Variants in MGST3 observed in about 807,000 individuals in gnomAD.
The protein encoded by MGST3 is microsomal glutathione S-transferase 3, also known as glutathione S-transferase 3, mitochondrial.
MGST3 carries 13 observed loss-of-function variants against 15.8 expected under a neutral mutation model. That is an observed-to-expected ratio of 0.82 (90% CI 0.54 to 1.31). MGST3 has a LOEUF of 1.31. Among genes scored for constraint, MGST3 ranks in the 50% most tolerant of loss-of-function variants. The pLI is 0.00. For missense variants in MGST3, 155 were observed against 192.4 expected (o/e 0.81, Z 1.15); for synonymous variants, 49 against 68.1 (o/e 0.72, Z 1.38).
intron 2 of MGST3, chr1:165,650,294 G>A: frequency 2.8e-6 from 1 of 356,392 alleles, no homozygotes; most frequent in Non-Finnish European, 5.3e-6. Flanking sequence ...TAGCAATATT[G>A]TTTCATGGTG....
intron 1 of MGST3, chr1:165,645,727 G>T (rs879441732): frequency 2.6e-5 from 4 of 152,178 alleles, no homozygotes; most frequent in Non-Finnish European, 5.9e-5. Flanking sequence ...TAAGCAATAG[G>T]AATGTTTCAG....
chr1:165,639,701 G>T (rs2101716502), intron 1 of MGST3, among the ~76,000 whole-genome samples: 1 of 152,304 alleles, frequency 6.6e-6, no homozygotes, highest in Non-Finnish European at 1.5e-5. Flanking sequence ...TACTCTGGAG[G>T]TTGAGGCATG....
Position 165,632,655 on chromosome 1 carries a change from G to T in MGST3, c.-8+1362G>T, listed in dbSNP as rs373435534. The stretch of plus-strand genomic sequence containing the variant: ...AACCAATGTTACTATATATAAATCT[G>T]CAGGGAGACTGTCGCCAACTATAGA... On this transcript the variant is annotated intron_variant, in intron 1 of 5. Coordinates refer to ENST00000367889, the MANE Select transcript of MGST3 (RefSeq NM_004528.4). 3.0e-4 allele frequency among the ~76,000 whole-genome samples: 46 copies of T among 152,098 alleles called. No homozygotes were observed. In the East Asian group the frequency reaches 4.2e-3, roughly 14 times the overall value.
At chr1:165,636,465 G>A (rs960256746) in intron 1 of MGST3, among the ~76,000 whole-genome samples, 6 of 152,202 alleles carry the variant, frequency 3.9e-5, no homozygotes, top group South Asian at 2.1e-4. Context: ...GCCAGGCACG[G>A]TGGCTCATGC....
intron 1 of MGST3, among the ~76,000 whole-genome samples, chr1:165,634,976 T>A (rs1648069429): frequency 1.3e-5 from 2 of 151,806 alleles, no homozygotes; most frequent in Non-Finnish European, 2.9e-5. Flanking sequence ...AGCATCCCAT[T>A]TAGGTAAAAT....
chr1:165,631,706 G>C (rs1351724572), intron 1 of MGST3, among the ~76,000 whole-genome samples: 9 of 152,192 alleles, frequency 5.9e-5, no homozygotes, highest in Non-Finnish European at 2.9e-5. Flanking sequence ...ACACTGCCGG[G>C]GGAGTGGTTG....
intron 4 of MGST3, 99 bp downstream of exon 4, chr1:165,652,134 T>TCCCTGATA: frequency 1.1e-6 from 1 of 879,816 alleles, no homozygotes; most frequent in Non-Finnish European, 1.9e-6. Flanking sequence ...ATATCTTCAG[T>TCCCTGATA]GTCTAGGCAC....
intron 2 of MGST3, chr1:165,650,191 G>C: frequency 1.8e-6 from 1 of 565,052 alleles, no homozygotes; most frequent in Non-Finnish European, 3.1e-6. Context: ...CTCTTCGGTA[G>C]AAAGACCAGG....
intron 1 of MGST3, among the ~76,000 whole-genome samples, chr1:165,641,141 C>G (rs1648253483): frequency 6.6e-6 from 1 of 152,118 alleles, no homozygotes; most frequent in African/African-American, 2.4e-5. Flanking sequence ...CTAGATCGTG[C>G]CACTTCACTC....
chr1:165,642,691 C>T (rs1648291920), intron 1 of MGST3, among the ~76,000 whole-genome samples: 1 of 152,206 alleles, frequency 6.6e-6, no homozygotes, highest in African/African-American at 2.4e-5. Flanking sequence ...ATCCTCTCAA[C>T]AACCTTCCAA....
chr1:165,641,217 T>C (rs1210868946), intron 1 of MGST3, among the ~76,000 whole-genome samples: 1 of 152,178 alleles, frequency 6.6e-6, no homozygotes, highest in Non-Finnish European at 1.5e-5. Flanking sequence ...CCTGAAGCTG[T>C]TTTTTGTTTG....
chr1:165,642,858 G>A (rs747324541), intron 1 of MGST3, among the ~76,000 whole-genome samples: 1 of 152,204 alleles, frequency 6.6e-6, no homozygotes, highest in Non-Finnish European at 1.5e-5. Context: ...AAGCTGTCTC[G>A]TGAACTGCAC....
intron 1 of MGST3, among the ~76,000 whole-genome samples, chr1:165,634,814 G>C (rs1378041164): frequency 4.8e-5 from 1 of 20,948 alleles, no homozygotes; most frequent in Non-Finnish European, 9.3e-5. Context: ...TCTCAACTGT[G>C]TATTCTAGAG....
chr1:165,653,659 T>C (rs1283724677), intron 4 of MGST3: 1 of 155,624 alleles, frequency 6.4e-6, no homozygotes, highest in African/African-American at 2.4e-5. Context: ...GCCAAAGGGA[T>C]GGATTTTTCA....
At chr1:165,633,544 A>G (rs1369580183) in intron 1 of MGST3, among the ~76,000 whole-genome samples, 1 of 152,308 alleles carries the variant, frequency 6.6e-6, no homozygotes, top group East Asian at 1.9e-4. Flanking sequence ...ATAAATGAGC[A>G]AGCAATGGGA....
At chr1:165,655,246 C>T (rs1380480335) in intron 5 of MGST3, 122 bp from the exon 6 acceptor site, 5 of 1,258,118 alleles carry the variant, frequency 4.0e-6, no homozygotes, top group Admixed American at 3.9e-5. Flanking sequence ...AGTTAGTTAA[C>T]CTCCTAAGGC....
intron 1 of MGST3, chr1:165,645,930 A>T (rs1648385247): frequency 6.6e-6 from 1 of 152,242 alleles, no homozygotes. Context: ...CTACACCTGT[A>T]TTAAAGTTCA....
intron 1 of MGST3, among the ~76,000 whole-genome samples, 164 bp downstream of exon 1, chr1:165,631,457 C>T (rs9333371): frequency 6.6e-6 from 1 of 152,324 alleles, no homozygotes; most frequent in East Asian, 1.9e-4. Context: ...TGAATTTCCA[C>T]CCTCTCTGCT....
At chr1:165,650,114 A>G (rs1013833535) in intron 2 of MGST3, 150 bp downstream of exon 2, 37 of 1,176,014 alleles carry the variant, frequency 3.1e-5, no homozygotes, top group African/African-American at 3.0e-5. Flanking sequence ...CTGCTTCTTC[A>G]TGGTAGGAAA....
Sources: allele counts gnomAD v4.1 joint callset (sites outside exome capture counted in the v4.1 genomes callset), GRCh38; gene constraint gnomAD v4.1.1; transcripts MANE v1.5; gene names NCBI Gene and HGNC (gene_info 2026-07-23, HGNC 2026-07-21).